The following ARFGEF2 variants were observed in gnomAD, a reference collection of about 807,000 sequenced individuals.
The protein encoded by ARFGEF2 is brefeldin A-inhibited guanine nucleotide-exchange protein 2.
ARFGEF2 carries 74 observed loss-of-function variants against 219.9 expected under a neutral mutation model. The observed-to-expected ratio is 0.34, with a 90% CI of 0.28 to 0.41. The LOEUF (loss-of-function observed/expected upper bound fraction) is 0.41, where lower values mean the gene tolerates loss of function less well. ARFGEF2 is among the 10% of genes least tolerant of loss of function. The pLI is 1.00. For missense variants in ARFGEF2, 1,743 were observed against 2,218.3 expected (o/e 0.79, Z 4.30); for synonymous variants, 733 against 799.2 (o/e 0.92, Z 1.40).
In ARFGEF2 at chr20:48,921,736, A is replaced by G. The variant is rs1364961992; in HGVS notation, c.-154A>G. On this transcript the variant is annotated 5_prime_UTR_variant, in exon 1 of 39. An upstream start codon of the reference 5' UTR is lost. Transcript: ENST00000371917. ...ACGTGGTCACGTGACGCGCTCCAAC[A>G]TGGCGGCGCCGTGGGGCCGAGGTGT... 6.6e-6 allele frequency among the ~76,000 whole-genome samples: 1 copy of G among 151,508 alleles called. No individual in the cohort carries two copies. The highest frequency in any genetic ancestry group is 1.5e-5 in the Non-Finnish European group (1 of 67,774).
intron 37 of ARFGEF2, among the ~76,000 whole-genome samples, chr20:49,029,445 T>A (rs1382413705): frequency 5.9e-5 from 9 of 152,204 alleles, no homozygotes; most frequent in Admixed American, 5.9e-4. Flanking sequence ...TCAGAAAATA[T>A]TTTAGAAATA....
chr20:48,985,344 G>C lies in ARFGEF2; in HGVS notation c.2071-64G>C. Reference sequence around the variant, plus strand: ...GCTATTCTGACTCCACCCTTTGGCTGCTGGCTTTTGCTGAGGGTTCGTATT... The same window carrying C: ...GCTATTCTGACTCCACCCTTTGGCTCCTGGCTTTTGCTGAGGGTTCGTATT... On this transcript the variant is annotated intron_variant, in intron 15 of 38. Coordinates refer to ENST00000371917, the MANE Select transcript of ARFGEF2 (RefSeq NM_006420.3). 2.6e-6 allele frequency: 4 copies of C among 1,558,158 alleles called. No individual in the cohort carries two copies. The South Asian group carries it at 4.5e-5, about 17-fold the overall frequency.
intron 13 of ARFGEF2, among the ~76,000 whole-genome samples, chr20:48,975,465 G>A (rs1476860653): frequency 6.6e-6 from 1 of 152,104 alleles, no homozygotes; most frequent in African/African-American, 2.4e-5. Flanking sequence ...AAGTTGTCTT[G>A]ATCTTTTTTT....
chr20:49,023,281 T>G, intron 35 of ARFGEF2, 100 bp downstream of exon 35: 1 of 1,487,418 alleles, frequency 6.7e-7, no homozygotes, highest in Admixed American at 1.9e-5. Flanking sequence ...TTCCAGAGCC[T>G]GTCATGCTCA....
In ARFGEF2 at chr20:48,953,528, G is replaced by A. The variant is rs1168635024; in HGVS notation, c.604-28G>A. ...CATAATTTTTCTTCCTTACCAAAATGCTGTATCCCCCTTTTGTTGCCTTTT... is the reference window on the plus strand; with the variant it reads ...CATAATTTTTCTTCCTTACCAAAATACTGTATCCCCCTTTTGTTGCCTTTT... On this transcript the variant is annotated intron_variant, in intron 5 of 38. Transcript: ENST00000371917. 22 of 1,604,840 alleles carry A rather than the reference G, an allele frequency of 1.4e-5. No homozygotes were observed. In the African/African-American group the frequency reaches 2.7e-4, roughly 20 times the overall value.
intron 1 of ARFGEF2, among the ~76,000 whole-genome samples, chr20:48,933,442 TA>T (rs5841741): frequency 0.61 from 92,619 of 151,798 alleles, 28,362 homozygotes; most frequent in East Asian, 0.66. Flanking sequence ...GTAAAACAGT[TA>T]ATGGATGATT....
At chr20:48,950,811 A>ATATATATATATATATAT (rs1555808097) in intron 3 of ARFGEF2, among the ~76,000 whole-genome samples, 3 of 64,512 alleles carry the variant, frequency 4.7e-5, no homozygotes, top group Non-Finnish European at 7.8e-5. Context: ...AAAAAAAAAA[A>ATATATATATATATATAT]ATATATATAT....
rs1473718 is a variant in ARFGEF2 at position 49,016,217 on chromosome 20, A to G, written c.4180-63A>G. ...TCTACAACAGTTTTGCCAGGAGTGTACAAGAATGCCCATCTCACTGCAGGG... is the reference window on the plus strand; with the variant it reads ...TCTACAACAGTTTTGCCAGGAGTGTGCAAGAATGCCCATCTCACTGCAGGG... On this transcript the variant is annotated intron_variant, in intron 30 of 38. Transcript: ENST00000371917. 440,514 of 1,587,730 alleles carry G rather than the reference A, an allele frequency of 0.28. 64,414 individuals carry two copies. The highest frequency in any genetic ancestry group is 0.45 in the East Asian group (20,172 of 44,504).
At chr20:48,946,810 G>GT (rs938648071) in intron 3 of ARFGEF2, among the ~76,000 whole-genome samples, 19 of 150,774 alleles carry the variant, frequency 1.3e-4, no homozygotes, top group Non-Finnish European at 2.1e-4. Context: ...AGTTTTTTTG[G>GT]TTTTTTTTAG....
intron 34 of ARFGEF2, among the ~76,000 whole-genome samples, chr20:49,022,606 C>G (rs1019474456): frequency 1.3e-5 from 2 of 152,206 alleles, no homozygotes; most frequent in African/African-American, 4.8e-5. Flanking sequence ...TCACTTTCTT[C>G]AGGTCTTTGC....
At chr20:48,972,954 T>C (rs1345080354) in intron 11 of ARFGEF2, among the ~76,000 whole-genome samples, 191 bp from the exon 12 acceptor site, 1 of 152,152 alleles carries the variant, frequency 6.6e-6, no homozygotes, top group Non-Finnish European at 1.5e-5. Flanking sequence ...TTCAATTTGC[T>C]CAGAAGCAGG....
chr20:48,964,014 A>C, intron 7 of ARFGEF2, 116 bp downstream of exon 7: 3 of 920,844 alleles, frequency 3.3e-6, no homozygotes, highest in African/African-American at 1.6e-5. Flanking sequence ...GGTGGAGCTC[A>C]TGGAAACTGA....
rs541124438 is a variant in ARFGEF2 at position 49,025,403 on chromosome 20, G to A, written c.4846G>A (p.Asp1616Asn). 3.7e-6 allele frequency: 6 copies of A among 1,614,066 alleles called. No homozygotes were observed. The Admixed American group carries it at 8.3e-5, about 22-fold the overall frequency. ...TTCCCAGCACCTCTTCAAGCTGTTG[G>A]ACTGTTTGCAGGAATCCCATTCATT... is the stretch of plus-strand genomic sequence containing the variant. Reference protein sequence around the residue: ...MSSQHLFKLLDCLQESHSFSK... With the variant: ...MSSQHLFKLLNCLQESHSFSK... The change falls in exon 36 of 39, where the codon GAC (aspartate) becomes AAC (asparagine). Residue 1616 changes from aspartate (D) to asparagine (N), a missense_variant. Asp to Asn is a conservative substitution (Grantham distance 23). Around this residue, in one of 5 missense-constraint regions of ARFGEF2, gnomAD observed 578 missense variants for 664.0 expected, o/e 0.87. Coordinates refer to ENST00000371917, the MANE Select transcript of ARFGEF2 (RefSeq NM_006420.3).
chr20:48,931,401 C>T (rs1409969172), intron 1 of ARFGEF2, among the ~76,000 whole-genome samples: 1 of 151,960 alleles, frequency 6.6e-6, no homozygotes, highest in East Asian at 1.9e-4. Context: ...GGGAATTCAG[C>T]AGTGAACAGA....
At position 48,973,219 on chromosome 20, in the gene ARFGEF2, G is replaced by A; in HGVS notation, c.1600G>A (p.Val534Ile). ...LNAANIFERL[V>I]NDLSKIAQGR... ...TGCTGCTAACATTTTTGAGCGCCTT[G>A]TAAATGATTTATCCAAAATTGCTCA... The change falls in exon 12 of 39, where the codon GTA becomes ATA. Residue 534 changes from valine (V) to isoleucine (I), a missense_variant. Val to Ile is a conservative substitution (Grantham distance 29). Around this residue, in one of 5 missense-constraint regions of ARFGEF2, gnomAD observed 666 missense variants for 955.4 expected, o/e 0.70. Coordinates refer to ENST00000371917, the MANE Select transcript of ARFGEF2 (RefSeq NM_006420.3). 4 of 1,614,160 alleles carry A rather than the reference G, an allele frequency of 2.5e-6. No homozygotes were observed. The highest frequency in any genetic ancestry group is 3.4e-6 in the Non-Finnish European group (4 of 1,180,028).
intron 16 of ARFGEF2, among the ~76,000 whole-genome samples, chr20:48,986,355 G>A (rs78083235): frequency 1.8e-3 from 273 of 152,272 alleles, no homozygotes; most frequent in East Asian, 0.011. Context: ...CGGGCTGGAT[G>A]CAGTAGCTCT....
rs190656694 is a variant in ARFGEF2, at chr20:48,949,211, C to T, written c.277-2112C>T. ...CTGGAGAGGGGAGGATACTTTCTGT[C>T]CTTTTCATACTTTAGTTAAAGTGCG... On this transcript the variant is annotated intron_variant, in intron 3 of 38. Coordinates refer to ENST00000371917, the MANE Select transcript of ARFGEF2 (RefSeq NM_006420.3). Among the ~76,000 whole-genome samples the T allele has an allele frequency of 3.6e-3, 541 of 152,254 alleles. 2 individuals carry two copies. Among genetic ancestry groups the T allele is most frequent in the Admixed American group, 8.4e-3 (129 of 15,298 alleles).
chr20:48,968,150 C>T (rs959628457), intron 8 of ARFGEF2, among the ~76,000 whole-genome samples: 1 of 151,792 alleles, frequency 6.6e-6, no homozygotes, highest in East Asian at 2.0e-4. Context: ...CCCACCACCA[C>T]GCCTGGCTAA....
intron 12 of ARFGEF2, 60 bp downstream of exon 12, chr20:48,973,344 T>C: frequency 2.5e-6 from 4 of 1,574,602 alleles, no homozygotes; most frequent in South Asian, 1.1e-5. Flanking sequence ...AAACATTTAT[T>C]GAGTGCCACC....
Sources: gnomAD v4.1 joint callset for allele counts (sites outside exome capture counted in the v4.1 genomes callset) on GRCh38, gnomAD v4.1.1 for gene constraint, gnomAD v4.1.1 regional missense constraint, MANE v1.5 for transcripts, NCBI Gene and HGNC (gene_info 2026-07-23, HGNC 2026-07-21) for gene names.